Variants in NBPF8 observed in about 807,000 individuals in gnomAD.
The protein encoded by NBPF8 is NBPF family member NBPF8.
Position 120,462,270 on chromosome 1 carries a change from G to A in NBPF8, n.3061+73G>A, listed in dbSNP as rs1459043391. The A allele has an allele frequency of 3.8e-4, 267 of 698,294 alleles. 20 individuals carry two copies. Among genetic ancestry groups the A allele is most frequent in the Middle Eastern group, 2.7e-3 (7 of 2,610 alleles). The allele number at this position is 698,294 out of a possible 1,614,324, so 43.3% of individuals were successfully genotyped here. ...GATGCCAGGTCCAGGGAAAGCAAGA[G>A]TGTGTTCAATTTCATGTTTTCAACG... is the stretch of plus-strand genomic sequence containing the variant. On this transcript the variant is annotated intron_variant and non_coding_transcript_variant, in intron 20 of 24. Transcript: ENST00000583271.
chr1:120,461,103 T>A (rs1381702114), intron 18 of NBPF8, among the ~76,000 whole-genome samples, 151 bp from the exon 17 acceptor site: 3 of 148,658 alleles, frequency 2.0e-5, no homozygotes, highest in African/African-American at 7.5e-5. Flanking sequence ...CCCTAGTCTA[T>A]CCCAACATAA....
chr1:120,431,321 AATAT>A (rs1336548048), intron 3 of NBPF8, among the ~76,000 whole-genome samples: 2 of 80,858 alleles, frequency 2.5e-5, no homozygotes, highest in Admixed American at 1.2e-4. Context: ...CCAAATAGGG[AATAT>A]ATATATATAT....
chr1:120,418,363 CT>C (rs1252502321), upstream of NBPF8, among the ~76,000 whole-genome samples: 173 of 79,322 alleles, frequency 2.2e-3, no homozygotes, highest in Non-Finnish European at 3.4e-3. Context: ...ATTTATTTAT[CT>C]TTTTACAATT....
At chr1:120,452,843 A>G (rs1661322756) in intron 13 of NBPF8, among the ~76,000 whole-genome samples, 1 of 152,142 alleles carries the variant, frequency 6.6e-6, no homozygotes, top group African/African-American at 2.4e-5. Flanking sequence ...GTGATGTTGG[A>G]GAAGGCACTT....
intron 2 of NBPF8, among the ~76,000 whole-genome samples, chr1:120,426,857 A>C (rs1347385199): frequency 1.3e-5 from 2 of 150,844 alleles, no homozygotes; most frequent in Non-Finnish European, 3.0e-5. Context: ...ATGAGGGAAC[A>C]TGGAGGGGAT....
In NBPF8 at chr1:120,457,736, A is replaced by AATATAT. The variant is rs1413536025; in HGVS notation, n.2621-1619_2621-1614dup. Among the ~76,000 whole-genome samples the AATATAT allele has an allele frequency of 4.1e-4, 22 of 53,754 alleles. 3 individuals are homozygous for AATATAT. The highest frequency in any genetic ancestry group is 1.8e-3 in the Admixed American group (10 of 5,476). The allele number at this position is 53,754 out of a possible 152,430, so 35.3% of individuals were successfully genotyped here. Reference sequence around the variant, plus strand: ...CTAAGACTTAAAGTATTAAAAAAAAAATATATATATATATATACATACACA... The same window carrying AATATAT: ...CTAAGACTTAAAGTATTAAAAAAAAAATATATATATATATATATATATACATACACA... On this transcript the variant is annotated intron_variant and non_coding_transcript_variant, in intron 16 of 24. Coordinates refer to ENST00000583271, the Ensembl canonical transcript of NBPF8.
intron 3 of NBPF8, among the ~76,000 whole-genome samples, chr1:120,429,548 G>A (rs1233357595): frequency 6.6e-6 from 1 of 152,184 alleles, no homozygotes; most frequent in Non-Finnish European, 1.5e-5. Context: ...TGGCGGGAGG[G>A]ATTTCCTTGA....
chr1:120,453,554 C>A, intron 14 of NBPF8, 110 bp downstream of exon 12: 1 of 977,826 alleles, frequency 1.0e-6, no homozygotes, highest in Non-Finnish European at 1.6e-6. Context: ...ATTTGCTTAG[C>A]CACAGTATGT....
exon 23 of NBPF8, chr1:120,464,488 T>G: frequency 8.6e-7 from 1 of 1,158,252 alleles, no homozygotes; most frequent in Non-Finnish European, 1.3e-6. Context: ...CTGCCAGCCG[T>G]ATGGAAGTTC....
At chr1:120,421,367 C>T (rs1230412186) in intron 1 of NBPF8, among the ~76,000 whole-genome samples, 6 of 151,856 alleles carry the variant, frequency 4.0e-5, no homozygotes, top group African/African-American at 1.5e-4. Flanking sequence ...TCCTTCCTTC[C>T]CTACTTCTCT....
At chr1:120,428,135 A>G (rs1660771969) in intron 3 of NBPF8, among the ~76,000 whole-genome samples, 10 of 152,100 alleles carry the variant, frequency 6.6e-5, no homozygotes, top group Admixed American at 6.5e-4. Context: ...GGTTTATAAT[A>G]TGCAAATTTG....
chr1:120,436,956 G>T (rs1259794452), intron 1 of NBPF8, among the ~76,000 whole-genome samples: 2 of 14,988 alleles, frequency 1.3e-4, no homozygotes, highest in Admixed American at 6.7e-4. Flanking sequence ...GGCACAGAAC[G>T]ACCTGTTTTC....
upstream of NBPF8, among the ~76,000 whole-genome samples, chr1:120,435,996 CAA>C (rs1490372342): frequency 2.6e-5 from 4 of 151,976 alleles, no homozygotes; most frequent in African/African-American, 7.3e-5. Flanking sequence ...GTTGTACAGA[CAA>C]GAGATAAACA....
At chr1:120,460,465 T>G in intron 17 of NBPF8, 108 bp from the exon 16 acceptor site, 3 of 812,868 alleles carry the variant, frequency 3.7e-6, no homozygotes, top group Non-Finnish European at 6.5e-6. Flanking sequence ...TCTCCTGTTC[T>G]CACATTGACA....
chr1:120,456,362 G>T (rs1318106497), intron 16 of NBPF8, among the ~76,000 whole-genome samples: 2 of 149,460 alleles, frequency 1.3e-5, no homozygotes, highest in African/African-American at 5.1e-5. Flanking sequence ...ATTGACACTG[G>T]GGTGTTAAAG....
intron 13 of NBPF8, among the ~76,000 whole-genome samples, chr1:120,452,763 A>G (rs1661319597): frequency 6.6e-6 from 1 of 152,200 alleles, no homozygotes; most frequent in African/African-American, 2.4e-5. Flanking sequence ...TGTCTCTTGC[A>G]AGGGTCGAAG....
upstream of NBPF8, chr1:120,432,697 TG>T (rs1336929656): frequency 6.3e-4 from 93 of 147,768 alleles, no homozygotes; most frequent in African/African-American, 2.2e-3. Context: ...TGGTTAAAAA[TG>T]CAAACGGACC....
intron 15 of NBPF8, 134 bp downstream of exon 13, chr1:120,454,248 T>G: frequency 6.4e-7 from 1 of 1,555,132 alleles, no homozygotes; most frequent in Non-Finnish European, 8.8e-7. Context: ...TCAGGGAGTT[T>G]TTTTGTCCTT....
At chr1:120,429,537 A>AT (rs1660815966) in intron 3 of NBPF8, among the ~76,000 whole-genome samples, 2 of 152,236 alleles carry the variant, frequency 1.3e-5, no homozygotes, top group Admixed American at 1.3e-4. Flanking sequence ...GTCTAGAGAC[A>AT]TGGCGGGAGG....
Sources: allele counts gnomAD v4.1 joint callset (sites outside exome capture counted in the v4.1 genomes callset), GRCh38; gene constraint gnomAD v4.1.1; transcripts MANE v1.5; gene names NCBI Gene and HGNC (gene_info 2026-07-23, HGNC 2026-07-21).